MAGEE1: variants seen among roughly 807,000 people sequenced by gnomAD.
MAGEE1 encodes the protein MAGE family member E1, also known as melanoma-associated antigen E1.
In MAGEE1, 3 loss-of-function variants were observed where a neutral mutation model predicts 12.0. The observed-to-expected ratio is 0.25, with a 90% CI of 0.11 to 0.65. The LOEUF (loss-of-function observed/expected upper bound fraction) is 0.65. Among genes scored for constraint, MAGEE1 ranks in the 30% least tolerant of loss-of-function variants. MAGEE1 has a pLI of 0.84. For synonymous variants in MAGEE1, 414 were observed against 326.1 expected (o/e 1.27, Z -2.91); for missense variants, 729 against 772.2 (o/e 0.94, Z 0.66).
chrX:76,430,867 A>C lies in MAGEE1; in HGVS notation c.*63A>C. 8.0e-6 allele frequency: 1 copy of C among 125,408 alleles called. No individual in the cohort carries two copies. The highest frequency in any genetic ancestry group is 1.6e-5 in the Non-Finnish European group (1 of 64,501). 10.3% of individuals were successfully genotyped at this position (125,408 alleles called of 1,213,427 possible). A position where few individuals can be genotyped will look rare whatever the true frequency, so the allele number is the denominator to read the frequency against. ...GGCCTTTGAGCCTCAGTTCTCATGT[A>C]TTGGGGGGTGGGGGTGGGTACATAT... On this transcript the variant is annotated 3_prime_UTR_variant, in exon 1 of 1. Transcript: ENST00000361470.
Position 76,427,894 on chromosome X carries a change from T to C in MAGEE1, c.-37T>C, listed in dbSNP as rs1923243186. 8.6e-7 allele frequency: 1 copy of C among 1,160,019 alleles called. No individual in the cohort carries two copies. Among genetic ancestry groups the C allele is most frequent in the African/African-American group, 1.8e-5 (1 of 56,053 alleles). ...CTCTGCCAGATCGCGGGCCTGTCGGTGTCTGCTCCTACACGCCAACGCCGG... is the reference window on the plus strand; with the variant it reads ...CTCTGCCAGATCGCGGGCCTGTCGGCGTCTGCTCCTACACGCCAACGCCGG... On this transcript the variant is annotated 5_prime_UTR_variant, in exon 1 of 1. Transcript: ENST00000361470.
rs782072467 is a variant in MAGEE1, at chrX:76,428,285, A to G, written c.355A>G (p.Thr119Ala). The change falls in exon 1 of 1, where the codon ACC becomes GCC. Residue 119 changes from threonine (T) to alanine (A), a missense_variant. This residue lies in a region of MAGEE1 where 473 missense variants were observed against 423.7 expected (regional missense o/e 1.12). Coordinates refer to ENST00000361470, the MANE Select transcript of MAGEE1 (RefSeq NM_020932.3). ...SEGLSTSGPP[T>A]ISKGLCTSVT... ...GGGCCTAAGCACCTCCGGGCCTCCC[A>G]CCATCTCTAAGGGGCTGTGCACCTC... 4.1e-6 allele frequency: 5 copies of G among 1,208,596 alleles called. No individual in the cohort carries two copies. The highest frequency in any genetic ancestry group is 1.8e-5 in the African/African-American group (1 of 56,715).
Position 76,428,412 on chromosome X carries a change from G to A in MAGEE1, c.482G>A (p.Ser161Asn), listed in dbSNP as rs1556839239. The change falls in exon 1 of 1, where the codon AGC (serine) becomes AAC (asparagine). Residue 161 changes from serine to asparagine, a missense_variant. By Grantham distance (46) the Ser-to-Asn change is conservative (BLOSUM62 1). Coordinates refer to ENST00000361470, the MANE Select transcript of MAGEE1 (RefSeq NM_020932.3). Reference sequence around the variant, plus strand: ...CCGCCCACCGCCTCTGAGGTACCGAGCACCTCCCTGCCGCCCACCCCTGGT... The same window carrying A: ...CCGCCCACCGCCTCTGAGGTACCGAACACCTCCCTGCCGCCCACCCCTGGT... ...SVPPTASEVP[S>N]TSLPPTPGEG... 2 of 1,210,253 alleles carry A rather than the reference G, an allele frequency of 1.7e-6. No homozygotes were observed. The highest frequency in any genetic ancestry group is 1.8e-5 in the South Asian group (1 of 57,003).
At position 76,428,535 on chromosome X, in the gene MAGEE1, C is replaced by T. The variant is rs782342336; in HGVS notation, c.605C>T (p.Pro202Leu). Residue 202 changes from proline (P) to leucine (L), a missense_variant, in exon 1 of 1, where the codon CCT (proline) becomes CTT (leucine). Pro to Leu is a moderately conservative substitution (Grantham distance 98). Transcript: ENST00000361470. ...GAGGGACCAAGCACCTCCGTGCTGC[C>T]TACACCTGGTGAGGGACCAGGCACC... ...PDEGPSTSVL[P>L]TPGEGPGTSV... 1 of 1,210,013 alleles carries T rather than the reference C, an allele frequency of 8.3e-7. No individual in the cohort carries two copies. The highest frequency in any genetic ancestry group is 1.1e-6 in the Non-Finnish European group (1 of 894,869).
In MAGEE1 at chrX:76,427,891, C is replaced by G. The variant is rs1354890145; in HGVS notation, c.-40C>G. ...CCTCTCTGCCAGATCGCGGGCCTGT[C>G]GGTGTCTGCTCCTACACGCCAACGC... On this transcript the variant is annotated 5_prime_UTR_variant, in exon 1 of 1. Coordinates refer to ENST00000361470, the MANE Select transcript of MAGEE1 (RefSeq NM_020932.3). 87 of 1,153,344 alleles carry G rather than the reference C, an allele frequency of 7.5e-5. No homozygotes were observed. Among genetic ancestry groups the G allele is most frequent in the Non-Finnish European group, 9.9e-5 (86 of 864,758 alleles).
In MAGEE1 at chrX:76,430,320, T is replaced by C. The variant is rs782400220; in HGVS notation, c.2390T>C (p.Val797Ala). The change falls in exon 1 of 1, where the codon GTC (valine) becomes GCC (alanine). Residue 797 changes from valine to alanine, a missense_variant. Physicochemically the swap from Val to Ala is moderately conservative, Grantham distance 64. Coordinates refer to ENST00000361470, the MANE Select transcript of MAGEE1 (RefSeq NM_020932.3). ...LNRAARTLNHVYGTELVVLDP... is the reference protein window; with the variant it reads ...LNRAARTLNHAYGTELVVLDP... ...CGTGCTGCCCGCACCCTGAACCATGTCTATGGGACAGAACTAGTGGTACTT... is the reference window on the plus strand; with the variant it reads ...CGTGCTGCCCGCACCCTGAACCATGCCTATGGGACAGAACTAGTGGTACTT... The C allele has an allele frequency of 1.4e-5, 17 of 1,210,458 alleles. No individual in the cohort carries two copies. Among genetic ancestry groups the C allele is most frequent in the Admixed American group, 4.4e-5 (2 of 45,882 alleles).
rs782265269 is a variant in MAGEE1 at position 76,428,844 on chromosome X, G to A, written c.914G>A (p.Ser305Asn). The A allele has an allele frequency of 6.8e-5, 82 of 1,208,694 alleles. No individual in the cohort carries two copies. Among genetic ancestry groups the A allele is most frequent in the Non-Finnish European group, 7.9e-5 (71 of 894,497 alleles). Residue 305 changes from serine to asparagine, a missense_variant, in exon 1 of 1, where the codon AGC (serine) becomes AAC (asparagine). Physicochemically the swap from Ser to Asn is conservative, Grantham distance 46 (BLOSUM62 1). Around this residue, in one of 4 missense-constraint regions of MAGEE1, gnomAD observed 473 missense variants for 423.7 expected, o/e 1.12. Coordinates refer to ENST00000361470, the MANE Select transcript of MAGEE1 (RefSeq NM_020932.3). ...CCCCCCACCGCCACCGAGGGCCTGA[G>A]CACCTCCGTGCAGCCCACTGCTGGT... is the stretch of plus-strand genomic sequence containing the variant. ...SVPPTATEGL[S>N]TSVQPTAGEG...
chrX:76,428,233 C>A lies in MAGEE1; in HGVS notation c.303C>A (p.Gly101=), dbSNP rs1201242366. ...AGCCCACCATCTCTGAGGGACCTGG[C>A]ACCTCCGTGCTGCCCACCCCCAGTG... ...SGQPTISEGP[G]TSVLPTPSEG... The change falls in exon 1 of 1, where the codon GGC becomes GGA. Residue 101 remains glycine, a synonymous_variant. Transcript: ENST00000361470. The A allele has an allele frequency of 3.3e-6, 4 of 1,211,082 alleles. No individual in the cohort carries two copies. Among genetic ancestry groups the A allele is most frequent in the Non-Finnish European group, 4.5e-6 (4 of 895,334 alleles).
At position 76,428,671 on chromosome X, in the gene MAGEE1, C is replaced by T; in HGVS notation, c.741C>T (p.Pro247=). ...CCGCCACTGAGGGCCTAAGCACCCC[C>T]GTGCCACCCACCCGTGATGAGGGAC... is the stretch of plus-strand genomic sequence containing the variant. ...PPTATEGLST[P]VPPTRDEGPS... The change falls in exon 1 of 1, where the codon CCC becomes CCT. Residue 247 remains proline (P), a synonymous_variant. Transcript: ENST00000361470. 1.7e-6 allele frequency: 2 copies of T among 1,208,802 alleles called. No individual in the cohort carries two copies. The highest frequency in any genetic ancestry group is 3.5e-5 in the African/African-American group (2 of 57,631).
In MAGEE1 at chrX:76,428,157, C is replaced by T. The variant is rs1237841824; in HGVS notation, c.227C>T (p.Pro76Leu). The T allele has an allele frequency of 2.5e-6, 3 of 1,204,163 alleles. No homozygotes were observed. ...TSVLPTSAEGPSTFVPPTISE... is the reference protein window; with the variant it reads ...TSVLPTSAEGLSTFVPPTISE... ...GTTCTGCCCACCTCCGCTGAGGGCC[C>T]AAGCACCTTTGTGCCGCCCACCATC... Residue 76 changes from proline (P) to leucine (L), a missense_variant, in exon 1 of 1, where the codon CCA becomes CTA. This residue lies in a region of MAGEE1 where 473 missense variants were observed against 423.7 expected (regional missense o/e 1.12). Coordinates refer to ENST00000361470, the MANE Select transcript of MAGEE1 (RefSeq NM_020932.3).
chrX:76,428,974 C>G lies in MAGEE1; in HGVS notation c.1044C>G (p.Pro348=), dbSNP rs1556839548. The change falls in exon 1 of 1, where the codon CCC becomes CCG. Residue 348 remains proline (P), a synonymous_variant. Coordinates refer to ENST00000361470, the MANE Select transcript of MAGEE1 (RefSeq NM_020932.3). The part of the protein sequence containing the change: ...EELSTSVPPT[P]GEGPSTSVLP... ...TGAGCACCTCCGTGCCGCCCACTCC[C>G]GGTGAGGGACCAAGCACTTCCGTAC... is the stretch of plus-strand genomic sequence containing the variant. The G allele has an allele frequency of 1.7e-6, 2 of 1,207,556 alleles. No individual in the cohort carries two copies. The highest frequency in any genetic ancestry group is 2.2e-6 in the Non-Finnish European group (2 of 894,479).
At position 76,428,996 on chromosome X, in the gene MAGEE1, G is replaced by A. The variant is rs782396748; in HGVS notation, c.1066G>A (p.Val356Ile). Residue 356 changes from valine (V) to isoleucine (I), a missense_variant, in exon 1 of 1, where the codon GTA becomes ATA. Physicochemically the swap from Val to Ile is conservative, Grantham distance 29. Coordinates refer to ENST00000361470, the MANE Select transcript of MAGEE1 (RefSeq NM_020932.3). ...PTPGEGPSTSVLPIPGEGLST... is the reference protein window; with the variant it reads ...PTPGEGPSTSILPIPGEGLST... Reference sequence around the variant, plus strand: ...TCCCGGTGAGGGACCAAGCACTTCCGTACTGCCAATCCCCGGTGAGGGACT... The same window carrying A: ...TCCCGGTGAGGGACCAAGCACTTCCATACTGCCAATCCCCGGTGAGGGACT... 1.1e-5 allele frequency: 13 copies of A among 1,210,324 alleles called. No homozygotes were observed. Among genetic ancestry groups the A allele is most frequent in the Admixed American group, 2.2e-5 (1 of 46,005 alleles).
chrX:76,428,712 C>T lies in MAGEE1; in HGVS notation c.782C>T (p.Pro261Leu), dbSNP rs781867500. ...TRDEGPSTSV[P>L]ATPGEGPSTS... is the part of the protein sequence containing the mutation. ...GATGAGGGACCGAGCACCTCCGTGC[C>T]GGCCACTCCTGGTGAGGGACCGAGC... The change falls in exon 1 of 1, where the codon CCG (proline) becomes CTG (leucine). Residue 261 changes from proline to leucine, a missense_variant. By Grantham distance (98) the Pro-to-Leu change is moderately conservative (BLOSUM62 -3). This residue lies in a region of MAGEE1 where 473 missense variants were observed against 423.7 expected (regional missense o/e 1.12). Coordinates refer to ENST00000361470, the MANE Select transcript of MAGEE1 (RefSeq NM_020932.3). The T allele has an allele frequency of 3.3e-6, 4 of 1,207,716 alleles. No individual in the cohort carries two copies. Among genetic ancestry groups the T allele is most frequent in the Non-Finnish European group, 4.5e-6 (4 of 894,154 alleles).
chrX:76,429,482 C>G lies in MAGEE1; in HGVS notation c.1552C>G (p.Arg518Gly). The change falls in exon 1 of 1, where the codon CGG becomes GGG. Residue 518 changes from arginine (R) to glycine (G), a missense_variant. Arg to Gly is a moderately radical substitution (Grantham distance 125, BLOSUM62 -2). Transcript: ENST00000361470. ...GTACCCTATCCGGGAGTCTGAAATG[C>G]GGGAATATATTGTTAAAGAATATCG... ...SKYPIRESEM[R>G]EYIVKEYRNQ... 1 of 1,211,347 alleles carries G rather than the reference C, an allele frequency of 8.3e-7. No homozygotes were observed. Among genetic ancestry groups the G allele is most frequent in the East Asian group, 3.0e-5 (1 of 33,805 alleles).
At position 76,428,823 on chromosome X, in the gene MAGEE1, C is replaced by T. The variant is rs782431417; in HGVS notation, c.893C>T (p.Pro298Leu). ...AAGGGATCAAGCACCTCCGTGCCCC[C>T]CACCGCCACCGAGGGCCTGAGCACC... The part of the protein sequence containing the change: ...RGKGSSTSVP[P>L]TATEGLSTSV... Residue 298 changes from proline (P) to leucine (L), a missense_variant, in exon 1 of 1, where the codon CCC becomes CTC. Around this residue, in one of 4 missense-constraint regions of MAGEE1, gnomAD observed 473 missense variants for 423.7 expected, o/e 1.12. Transcript: ENST00000361470. 8.3e-7 allele frequency: 1 copy of T among 1,208,732 alleles called. No individual in the cohort carries two copies. The highest frequency in any genetic ancestry group is 2.2e-5 in the Admixed American group (1 of 45,944).
Position 76,430,881 on chromosome X carries a change from G to C in MAGEE1, c.*77G>C. ...AGTTCTCATGTATTGGGGGGTGGGG[G>C]TGGGTACATATTGTATTTGGTATTT... On this transcript the variant is annotated 3_prime_UTR_variant, in exon 1 of 1. Coordinates refer to ENST00000361470, the MANE Select transcript of MAGEE1 (RefSeq NM_020932.3). 2 of 493,929 alleles carry C rather than the reference G, an allele frequency of 4.0e-6. 1 individual carries two copies. Among genetic ancestry groups the C allele is most frequent in the Non-Finnish European group, 6.1e-6 (2 of 325,737 alleles). The allele number at this position is 493,929 out of a possible 1,213,427, so 40.7% of individuals were successfully genotyped here.
At position 76,427,730 on chromosome X, in the gene MAGEE1, T is replaced by C. The variant is rs1556839013; in HGVS notation, c.-201T>C. ...AGAGTACAGTGAGACTAGCATTCAC[T>C]GCTGGCCAGTGCCTGCCTTTTTCAC... On this transcript the variant is annotated 5_prime_UTR_variant, in exon 1 of 1. Coordinates refer to ENST00000361470, the MANE Select transcript of MAGEE1 (RefSeq NM_020932.3). The C allele has an allele frequency of 4.4e-6, 2 of 454,682 alleles. No homozygotes were observed. Among genetic ancestry groups the C allele is most frequent in the East Asian group, 3.7e-5 (1 of 27,141 alleles). The allele number at this position is 454,682 out of a possible 1,213,427, so 37.5% of individuals were successfully genotyped here.
Position 76,431,112 on chromosome X carries a change from A to G in MAGEE1, c.*308A>G. 1 of 241,102 alleles carries G rather than the reference A, an allele frequency of 4.1e-6. No individual in the cohort carries two copies. Among genetic ancestry groups the G allele is most frequent in the African/African-American group, 2.9e-5 (1 of 34,862 alleles). The allele number at this position is 241,102 out of a possible 1,213,427, so 19.9% of individuals were successfully genotyped here. On this transcript the variant is annotated 3_prime_UTR_variant, in exon 1 of 1. Coordinates refer to ENST00000361470, the MANE Select transcript of MAGEE1 (RefSeq NM_020932.3). ...TGCATTATCTAGAAAAGAATATAGC[A>G]TATAGCTATAGATATAGGCTTTTCC...
chrX:76,428,228 C>A lies in MAGEE1; in HGVS notation c.298C>A (p.Pro100Thr), dbSNP rs1923258012. The A allele has an allele frequency of 8.3e-7, 1 of 1,210,840 alleles. No individual in the cohort carries two copies. The change falls in exon 1 of 1, where the codon CCT (proline) becomes ACT (threonine). Residue 100 changes from proline (P) to threonine (T), a missense_variant. This residue lies in a region of MAGEE1 where 473 missense variants were observed against 423.7 expected (regional missense o/e 1.12). Coordinates refer to ENST00000361470, the MANE Select transcript of MAGEE1 (RefSeq NM_020932.3). Reference sequence around the variant, plus strand: ...CGGGCAGCCCACCATCTCTGAGGGACCTGGCACCTCCGTGCTGCCCACCCC... The same window carrying A: ...CGGGCAGCCCACCATCTCTGAGGGAACTGGCACCTCCGTGCTGCCCACCCC... ...ASGQPTISEG[P>T]GTSVLPTPSE...
Sources: allele counts gnomAD v4.1 joint callset, GRCh38; gene constraint gnomAD v4.1.1; regional missense constraint gnomAD v4.1.1; transcripts MANE v1.5; gene names NCBI Gene and HGNC (gene_info 2026-07-23, HGNC 2026-07-21).